Variants in ANKS1A observed in about 807,000 individuals in gnomAD.
ANKS1A encodes the protein ankyrin repeat and SAM domain-containing protein 1A.
In ANKS1A, 55 loss-of-function variants were observed where a neutral mutation model predicts 120.3. The ratio of observed to expected loss-of-function variants is 0.46; its 90% CI spans 0.37 to 0.57. The LOEUF (loss-of-function observed/expected upper bound fraction) is 0.57, where lower values mean the gene tolerates loss of function less well. ANKS1A is among the 20% of genes least tolerant of loss of function. The pLI, the probability that ANKS1A is intolerant of heterozygous loss-of-function variation, is 0.00. For missense variants in ANKS1A, 1,123 were observed against 1,480.3 expected (o/e 0.76, Z 3.96); for synonymous variants, 590 against 604.7 (o/e 0.98, Z 0.36).
At position 34,989,249 on chromosome 6, in the gene ANKS1A, A is replaced by T; in HGVS notation, c.1235A>T (p.Lys412Met). Residue 412 changes from lysine (K) to methionine (M), a missense_variant, in exon 9 of 24, where the codon AAG becomes ATG. By Grantham distance (95) the Lys-to-Met change is moderately conservative. Transcript: ENST00000360359. ...AGGGAACGTCCACCACCTCCAGCAA[A>T]GCCACCGCCCGATGAAGAGGAAGAA... ...RPRERPPPPA[K>M]PPPDEEEEDH... 1 of 1,614,062 alleles carries T rather than the reference A, an allele frequency of 6.2e-7. No homozygotes were observed. Among genetic ancestry groups the T allele is most frequent in the Non-Finnish European group, 8.5e-7 (1 of 1,179,932 alleles).
intron 10 of ANKS1A, among the ~76,000 whole-genome samples, chr6:35,013,030 A>T (rs1197652388): frequency 6.6e-6 from 1 of 152,062 alleles, no homozygotes; most frequent in Non-Finnish European, 1.5e-5. Flanking sequence ...AGCTCAAGTG[A>T]TCCTCCTCTC....
intron 9 of ANKS1A, among the ~76,000 whole-genome samples, chr6:34,992,684 G>A (rs1229577318): frequency 1.3e-5 from 2 of 152,176 alleles, no homozygotes; most frequent in Non-Finnish European, 2.9e-5. Flanking sequence ...AAGAGGCAAG[G>A]AATAAGTAAT....
chr6:34,925,174 G>C (rs905924566), intron 1 of ANKS1A, among the ~76,000 whole-genome samples: 2 of 152,084 alleles, frequency 1.3e-5, no homozygotes, highest in African/African-American at 4.8e-5. Flanking sequence ...TTTTAGGTTT[G>C]ACTATCTTAG....
intron 10 of ANKS1A, among the ~76,000 whole-genome samples, chr6:35,001,917 G>C (rs1773191564): frequency 6.6e-6 from 1 of 152,162 alleles, no homozygotes; most frequent in Non-Finnish European, 1.5e-5. Context: ...AATTAGACAG[G>C]GTTTACAAAG....
At chr6:34,922,690 ATTTC>A (rs1356619003) in intron 1 of ANKS1A, among the ~76,000 whole-genome samples, 93 of 130,120 alleles carry the variant, frequency 7.1e-4, no homozygotes, top group African/African-American at 2.7e-3. Flanking sequence ...GAATCTGGGC[ATTTC>A]TTTTTTTTTT....
In ANKS1A at chr6:35,060,117, T is replaced by A; in HGVS notation, c.2078-30T>A. ...TACCGCCTTAATGGTTTTTCCCTTT[T>A]CAAGCGTCTGCCGATTCCTCTCTCA... On this transcript the variant is annotated intron_variant, in intron 12 of 23. Coordinates refer to ENST00000360359, the MANE Select transcript of ANKS1A (RefSeq NM_015245.3). The surrounding 1 kb of genome is among the most constrained non-coding windows in gnomAD (Gnocchi z 4.5). 6.3e-7 allele frequency: 1 copy of A among 1,590,886 alleles called. No individual in the cohort carries two copies.
intron 10 of ANKS1A, among the ~76,000 whole-genome samples, chr6:34,999,539 A>C (rs1773041146): frequency 6.6e-6 from 1 of 152,216 alleles, no homozygotes; most frequent in Non-Finnish European, 1.5e-5. Context: ...AACTATGTTG[A>C]AAAATTTCAA....
In ANKS1A at chr6:35,060,174, G is replaced by C. The variant is rs1036143547; in HGVS notation, c.2105G>C (p.Gly702Ala). Residue 702 changes from glycine (G) to alanine (A), a missense_variant, in exon 13 of 24, where the codon GGG becomes GCG. By Grantham distance (60) the Gly-to-Ala change is moderately conservative. Transcript: ENST00000360359. This position sits in a 1 kb window ranked among gnomAD's most constrained non-coding sequence, Gnocchi z 4.5. ...TTACGGACGCTGGAGCAGAGTGTCG[G>C]GGAGTGGCTGGAGTCGATTGGGCTG... ...SGLRTLEQSV[G>A]EWLESIGLQQ... 1.5e-5 allele frequency: 25 copies of C among 1,613,036 alleles called. No homozygotes were observed. Among genetic ancestry groups the C allele is most frequent in the Non-Finnish European group, 2.0e-5 (24 of 1,179,718 alleles).
intron 16 of ANKS1A, among the ~76,000 whole-genome samples, chr6:35,080,789 C>T (rs1777627536): frequency 6.6e-6 from 1 of 152,108 alleles, no homozygotes; most frequent in Non-Finnish European, 1.5e-5. Context: ...GCAAAAGTGG[C>T]TTCCCCGCCC....
At chr6:35,052,863 T>G (rs1776038134) in intron 11 of ANKS1A, among the ~76,000 whole-genome samples, 1 of 152,132 alleles carries the variant, frequency 6.6e-6, no homozygotes, top group African/African-American at 2.4e-5. Flanking sequence ...CACCCTCAGT[T>G]TGCTGCAGGG....
intron 1 of ANKS1A, among the ~76,000 whole-genome samples, chr6:34,912,089 CTG>C (rs1767933419): frequency 6.6e-6 from 1 of 152,246 alleles, no homozygotes; most frequent in Admixed American, 6.5e-5. Flanking sequence ...TATGTGACCT[CTG>C]TTCAGTGTCA....
intron 16 of ANKS1A, 114 bp downstream of exon 16, chr6:35,080,042 C>A: frequency 8.2e-7 from 1 of 1,220,302 alleles, no homozygotes; most frequent in Non-Finnish European, 1.2e-6. Flanking sequence ...AAAGCAGCTC[C>A]AACAAGAAGA....
At chr6:34,918,632 G>A (rs1270839037) in intron 1 of ANKS1A, among the ~76,000 whole-genome samples, 1 of 152,102 alleles carries the variant, frequency 6.6e-6, no homozygotes, top group Non-Finnish European at 1.5e-5. Flanking sequence ...AAGTTACGAC[G>A]TTGAGCATAT....
At chr6:34,918,736 A>G (rs2127463384) in intron 1 of ANKS1A, among the ~76,000 whole-genome samples, 1 of 152,358 alleles carries the variant, frequency 6.6e-6, no homozygotes, top group South Asian at 2.1e-4. Context: ...CTGTTGAAGC[A>G]AAAAGCTGAC....
chr6:35,088,580 T>TC, intron 23 of ANKS1A, 26 bp from the exon 24 acceptor site: 3 of 1,613,938 alleles, frequency 1.9e-6, no homozygotes, highest in South Asian at 2.2e-5. Context: ...AACCCTTTCC[T>TC]CCCCCCATTG....
At chr6:34,978,081 C>T (rs1360025584) in intron 3 of ANKS1A, among the ~76,000 whole-genome samples, 2 of 152,052 alleles carry the variant, frequency 1.3e-5, no homozygotes, top group Non-Finnish European at 2.9e-5. Flanking sequence ...GCCTCAGCAT[C>T]CTGAGTAGGT....
chr6:34,994,479 G>T (rs1772745039), intron 10 of ANKS1A, 57 bp downstream of exon 10: 1 of 1,587,788 alleles, frequency 6.3e-7, no homozygotes, highest in Non-Finnish European at 8.6e-7. Context: ...TAAAGTTTGT[G>T]ATCCTGAGTG....
intron 1 of ANKS1A, among the ~76,000 whole-genome samples, chr6:34,944,369 T>C (rs562475923): frequency 1.3e-5 from 2 of 152,334 alleles, no homozygotes; most frequent in Admixed American, 6.5e-5. Context: ...TTTGGTGTTA[T>C]GTTTTGGATT....
intron 1 of ANKS1A, among the ~76,000 whole-genome samples, chr6:34,900,275 A>G (rs1767283060): frequency 6.6e-6 from 1 of 152,228 alleles, no homozygotes; most frequent in South Asian, 2.1e-4. Flanking sequence ...TTGGAGAATC[A>G]GTCTCTTTGG....
Sources: gnomAD v4.1 joint callset for allele counts (sites outside exome capture counted in the v4.1 genomes callset) on GRCh38, gnomAD v4.1.1 for gene constraint, Gnocchi (gnomAD v3.1) non-coding constraint, MANE v1.5 for transcripts, NCBI Gene and HGNC (gene_info 2026-07-23, HGNC 2026-07-21) for gene names.